Variants in PLPP7 observed in about 807,000 individuals in gnomAD.
The protein encoded by PLPP7 is phospholipid phosphatase 7 (inactive).
In PLPP7, 11 loss-of-function variants were observed where a neutral mutation model predicts 16.9. That is an observed-to-expected ratio of 0.65 (90% CI 0.41 to 1.08). The LOEUF (loss-of-function observed/expected upper bound fraction) is 1.08, where lower values mean the gene tolerates loss of function less well. Ranked by LOEUF, PLPP7 falls within the 50% of genes least tolerant of loss-of-function variation. PLPP7 has a pLI of 0.00. For missense variants in PLPP7, 358 were observed against 397.1 expected (o/e 0.90, Z 0.84); for synonymous variants, 174 against 175.1 (o/e 0.99, Z 0.05).
rs1444793430 is a variant in PLPP7, at chr9:131,291,160, G to A, written c.451+712G>A. On this transcript the variant is annotated intron_variant, in intron 1 of 1. Coordinates refer to ENST00000372264, the MANE Select transcript of PLPP7 (RefSeq NM_032728.4). ...CCACGTGGGGCCCATGTGGAGGCAA[G>A]CCATTCCCTCCACCCAGAGGTGATG... 3 of 1,366,304 alleles carry A rather than the reference G, an allele frequency of 2.2e-6. No homozygotes were observed. The Admixed American group carries it at 5.7e-5, about 26-fold the overall frequency. 84.6% of individuals were successfully genotyped at this position (1,366,304 alleles called of 1,614,324 possible). A position where few individuals can be genotyped will look rare whatever the true frequency, so the allele number is the denominator to read the frequency against.
intron 1 of PLPP7, among the ~76,000 whole-genome samples, chr9:131,294,765 G>A (rs1203792901): frequency 2.0e-5 from 3 of 151,686 alleles, no homozygotes; most frequent in Non-Finnish European, 4.4e-5. Context: ...CCGCCTCCCG[G>A]GTTCAAGCAA....
chr9:131,293,062 T>G, intron 1 of PLPP7: 1 of 705,758 alleles, frequency 1.4e-6, no homozygotes, highest in Non-Finnish European at 1.7e-6. Flanking sequence ...GTAAAAAAGC[T>G]GTCGATGACC....
intron 1 of PLPP7, among the ~76,000 whole-genome samples, chr9:131,302,756 A>G (rs1168352930): frequency 6.6e-6 from 1 of 152,160 alleles, no homozygotes; most frequent in African/African-American, 2.4e-5. Context: ...CCTGTGGCTA[A>G]TGAGAGGGGC....
intron 1 of PLPP7, among the ~76,000 whole-genome samples, chr9:131,298,161 C>T (rs1295423149): frequency 1.3e-5 from 2 of 152,138 alleles, no homozygotes; most frequent in African/African-American, 4.8e-5. Flanking sequence ...AACGATTTCC[C>T]AAGGAGATAT....
intron 1 of PLPP7, among the ~76,000 whole-genome samples, chr9:131,300,689 GAAAAAAA>G (rs1165239833): frequency 2.5e-5 from 1 of 40,358 alleles, no homozygotes; most frequent in Non-Finnish European, 5.0e-5. Context: ...CTCAAAAGCA[GAAAAAAA>G]AAAAAAAAAA....
At chr9:131,302,394 G>A (rs1337552878) in intron 1 of PLPP7, among the ~76,000 whole-genome samples, 2 of 152,174 alleles carry the variant, frequency 1.3e-5, no homozygotes, top group Admixed American at 6.5e-5. Flanking sequence ...TTCATGGGGC[G>A]AAGGGATGCC....
At chr9:131,304,851 C>T (rs911300764) in intron 1 of PLPP7, among the ~76,000 whole-genome samples, 4 of 152,142 alleles carry the variant, frequency 2.6e-5, no homozygotes, top group East Asian at 1.9e-4. Flanking sequence ...TCAGTGACTG[C>T]GGGGGAAAAG....
chr9:131,291,138 C>T (rs368625731), intron 1 of PLPP7: 579 of 1,366,400 alleles, frequency 4.2e-4, no homozygotes, highest in Non-Finnish European at 5.3e-4. Flanking sequence ...CCAGGTGCCA[C>T]GTGGGGCCCA....
Position 131,307,954 on chromosome 9 carries a change from C to G in PLPP7, c.483C>G (p.Gly161=). The G allele has an allele frequency of 6.3e-7, 1 of 1,596,008 alleles. No individual in the cohort carries two copies. The highest frequency in any genetic ancestry group is 1.1e-5 in the South Asian group (1 of 90,658). ...TCCTGGACATCATGACGGTGGCCGG[C>G]GTGCAGAAGCTCATCAAGCGGCGCG... The part of the protein sequence containing the change: ...ALLLDIMTVA[G]VQKLIKRRGP... The change falls in exon 2 of 2, where the codon GGC becomes GGG. Residue 161 remains glycine, a synonymous_variant. Transcript: ENST00000372264.
intron 1 of PLPP7, among the ~76,000 whole-genome samples, chr9:131,294,466 C>G (rs1188855170): frequency 6.6e-6 from 1 of 152,274 alleles, no homozygotes; most frequent in East Asian, 1.9e-4. Context: ...CTTGAGACCA[C>G]CTGTCCCCTT....
chr9:131,308,190 TC>T lies in PLPP7; in HGVS notation c.721del (p.Leu241SerfsTer124). The T allele has an allele frequency of 6.2e-7, 1 of 1,600,018 alleles. No individual in the cohort carries two copies. Among genetic ancestry groups the T allele is most frequent in the Non-Finnish European group, 8.5e-7 (1 of 1,179,822 alleles). ...VMIGRHHVTD[V>X]LSGFVIGYLQ... ...ATCGGCCGCCACCACGTCACGGACG[TC>T]CTCTCCGGCTTTGTCATCGGCTACC... is the stretch of plus-strand genomic sequence containing the variant. On this transcript the variant is annotated frameshift_variant, in exon 2 of 2. Coordinates refer to ENST00000372264, the MANE Select transcript of PLPP7 (RefSeq NM_032728.4). LOFTEE classifies it high-confidence loss of function.
Position 131,289,960 on chromosome 9 carries a change from G to T in PLPP7, c.-38G>T. Reference sequence around the variant, plus strand: ...CTTCGGGGAGAAGGCCCTTGGAGCCGGGCTGGCATCGGCCTTCTCGGGGTG... The same window carrying T: ...CTTCGGGGAGAAGGCCCTTGGAGCCTGGCTGGCATCGGCCTTCTCGGGGTG... On this transcript the variant is annotated 5_prime_UTR_variant, in exon 1 of 2. Coordinates refer to ENST00000372264, the MANE Select transcript of PLPP7 (RefSeq NM_032728.4). 2 of 1,380,642 alleles carry T rather than the reference G, an allele frequency of 1.4e-6. No individual in the cohort carries two copies. Among genetic ancestry groups the T allele is most frequent in the East Asian group, 2.8e-5 (1 of 35,818 alleles). The allele number at this position is 1,380,642 out of a possible 1,614,324, so 85.5% of individuals were successfully genotyped here.
chr9:131,305,958 C>A (rs1835847364), intron 1 of PLPP7, among the ~76,000 whole-genome samples: 1 of 152,106 alleles, frequency 6.6e-6, no homozygotes, highest in African/African-American at 2.4e-5. Flanking sequence ...AAAAAAAACA[C>A]CAGGTGCGGT....
chr9:131,298,208 G>A (rs1486721811), intron 1 of PLPP7, among the ~76,000 whole-genome samples: 3 of 152,172 alleles, frequency 2.0e-5, no homozygotes, highest in East Asian at 1.9e-4. Flanking sequence ...AGGGAGACAC[G>A]TGGAGGAGAG....
intron 1 of PLPP7, among the ~76,000 whole-genome samples, chr9:131,297,873 A>G (rs1422340304): frequency 6.6e-6 from 1 of 152,158 alleles, no homozygotes. Context: ...GTTTGCTTAC[A>G]TACATATCTT....
intron 1 of PLPP7, among the ~76,000 whole-genome samples, chr9:131,298,614 C>T (rs997332350): frequency 1.3e-5 from 2 of 152,228 alleles, no homozygotes; most frequent in Admixed American, 6.5e-5. Context: ...TAGGTCACCC[C>T]AGCTGCCCCT....
chr9:131,306,465 C>G (rs1404825102), intron 1 of PLPP7, among the ~76,000 whole-genome samples: 1 of 77,774 alleles, frequency 1.3e-5, no homozygotes, highest in Non-Finnish European at 3.4e-5. Context: ...TCACGTGAAC[C>G]CGGGAGGTGG....
At chr9:131,303,979 G>A (rs955296864) in intron 1 of PLPP7, among the ~76,000 whole-genome samples, 2 of 152,192 alleles carry the variant, frequency 1.3e-5, no homozygotes, top group Non-Finnish European at 2.9e-5. Context: ...AGGGCTTGCA[G>A]GAGCTGTGAC....
intron 1 of PLPP7, among the ~76,000 whole-genome samples, chr9:131,302,413 C>T (rs950885482): frequency 6.6e-6 from 1 of 152,172 alleles, no homozygotes; most frequent in Non-Finnish European, 1.5e-5. Context: ...CCAAGGTCAG[C>T]ACAGCTACCT....
Sources: gnomAD v4.1 joint callset for allele counts (sites outside exome capture counted in the v4.1 genomes callset) on GRCh38, gnomAD v4.1.1 for gene constraint, MANE v1.5 for transcripts, NCBI Gene and HGNC (gene_info 2026-07-23, HGNC 2026-07-21) for gene names.